PABPC4L: variants seen among roughly 807,000 people sequenced by gnomAD.
The protein encoded by PABPC4L is polyadenylate-binding protein 4-like.
For synonymous variants in PABPC4L, 169 were observed against 164.1 expected (o/e 1.03, Z -0.23); for missense variants, 452 against 451.4 (o/e 1.00, Z -0.01).
the PABPC4L span, among the ~76,000 whole-genome samples, chr4:133,973,738 C>G: frequency 6.6e-6 from 1 of 152,140 alleles, no homozygotes; most frequent in African/African-American, 2.4e-5. Flanking sequence ...AGACTTCACT[C>G]AGTGTTAACA....
the PABPC4L span, among the ~76,000 whole-genome samples, chr4:134,107,673 T>G: frequency 1.3e-5 from 2 of 151,620 alleles, no homozygotes; most frequent in South Asian, 2.1e-4. Flanking sequence ...AACATTTAAT[T>G]AATCAATAAT....
At chr4:134,066,724 G>GT in the PABPC4L span, among the ~76,000 whole-genome samples, 15 of 151,816 alleles carry the variant, frequency 9.9e-5, no homozygotes, top group African/African-American at 2.9e-4. Flanking sequence ...TTCATTGCCT[G>GT]TTTTTTTGAA....
At chr4:134,140,474 T>C in the PABPC4L span, among the ~76,000 whole-genome samples, 4 of 151,872 alleles carry the variant, frequency 2.6e-5, no homozygotes, top group Non-Finnish European at 5.9e-5. Flanking sequence ...TTATATGACA[T>C]GCCTTCATAA....
the PABPC4L span, among the ~76,000 whole-genome samples, chr4:134,065,970 T>C: frequency 3.9e-5 from 6 of 152,154 alleles, no homozygotes; most frequent in Admixed American, 2.6e-4. Flanking sequence ...CATTGGTCTA[T>C]GTGTCTGTTT....
At chr4:134,114,156 A>G in the PABPC4L span, among the ~76,000 whole-genome samples, 3 of 151,676 alleles carry the variant, frequency 2.0e-5, no homozygotes, top group African/African-American at 7.3e-5. Flanking sequence ...AAGAGGGTGG[A>G]TTTTGGAGTT....
the PABPC4L span, among the ~76,000 whole-genome samples, chr4:134,020,375 T>C: frequency 6.6e-6 from 1 of 152,128 alleles, no homozygotes; most frequent in Non-Finnish European, 1.5e-5. Context: ...ATTACTGTAT[T>C]TTGAAACAAT....
At chr4:134,080,982 A>G in the PABPC4L span, among the ~76,000 whole-genome samples, 4 of 152,180 alleles carry the variant, frequency 2.6e-5, no homozygotes, top group African/African-American at 9.6e-5. Flanking sequence ...CACTTATTTT[A>G]TGAGTCAGAC....
At chr4:134,181,369 C>G in the PABPC4L span, among the ~76,000 whole-genome samples, 1 of 151,958 alleles carries the variant, frequency 6.6e-6, no homozygotes, top group South Asian at 2.1e-4. Context: ...AGGGACATAC[C>G]TCAAAACAGT....
At chr4:134,041,432 A>G in the PABPC4L span, among the ~76,000 whole-genome samples, 1 of 152,126 alleles carries the variant, frequency 6.6e-6, no homozygotes, top group Non-Finnish European at 1.5e-5. Flanking sequence ...TTGCAGGGAC[A>G]TGGATGAAGC....
At chr4:134,054,360 C>T in the PABPC4L span, among the ~76,000 whole-genome samples, 1 of 146,690 alleles carries the variant, frequency 6.8e-6, no homozygotes, top group South Asian at 2.1e-4. Context: ...AGTATAAATT[C>T]AGATGAAAAT....
At chr4:134,028,359 A>T in the PABPC4L span, among the ~76,000 whole-genome samples, 2 of 151,696 alleles carry the variant, frequency 1.3e-5, no homozygotes, top group Non-Finnish European at 2.9e-5. Flanking sequence ...TCCTCTCCTC[A>T]TGCTAAGCCT....
chr4:134,004,583 C>T, the PABPC4L span, among the ~76,000 whole-genome samples: 3 of 151,826 alleles, frequency 2.0e-5, no homozygotes, highest in African/African-American at 4.8e-5. Flanking sequence ...AGAAAATTAC[C>T]ATATAATGCA....
chr4:134,155,412 T>TCACACACACACACACACACACA, the PABPC4L span, among the ~76,000 whole-genome samples: 1 of 146,992 alleles, frequency 6.8e-6, no homozygotes, highest in Admixed American at 6.8e-5. Context: ...CTCTCCCAGT[T>TCACACACACACACACACACACA]CACACACACA....
chr4:134,134,750 TA>T, the PABPC4L span, among the ~76,000 whole-genome samples: 1 of 150,432 alleles, frequency 6.6e-6, no homozygotes, highest in African/African-American at 2.4e-5. Context: ...ACATATCAAA[TA>T]AAATATATAA....
At chr4:134,163,694 G>A in the PABPC4L span, among the ~76,000 whole-genome samples, 2 of 152,104 alleles carry the variant, frequency 1.3e-5, no homozygotes, top group Non-Finnish European at 2.9e-5. Flanking sequence ...TTCAAGATAT[G>A]CAAGTCAATA....
downstream of PABPC4L, among the ~76,000 whole-genome samples, chr4:134,195,368 T>C (rs1374251123): frequency 6.6e-6 from 1 of 151,864 alleles, no homozygotes; most frequent in East Asian, 1.9e-4. Context: ...CATGGCTTCC[T>C]GAAATAAGAA....
At chr4:134,107,175 A>G in the PABPC4L span, among the ~76,000 whole-genome samples, 2 of 151,278 alleles carry the variant, frequency 1.3e-5, no homozygotes, top group South Asian at 2.1e-4. Flanking sequence ...CTACAGTTAC[A>G]CAAAATTCAT....
At chr4:134,195,281 A>T (rs906184947), downstream of PABPC4L, among the ~76,000 whole-genome samples, 1 of 151,752 alleles carries the variant, frequency 6.6e-6, no homozygotes, top group Non-Finnish European at 1.5e-5. Flanking sequence ...AGGAATTAAT[A>T]TTGGCTGCCA....
downstream of PABPC4L, among the ~76,000 whole-genome samples, chr4:134,193,771 A>C: frequency 6.6e-6 from 1 of 151,942 alleles, no homozygotes; most frequent in East Asian, 1.9e-4. Flanking sequence ...AGAGAGGTAT[A>C]AAAGAAACAT....
Sources: gnomAD v4.1 joint callset for allele counts (sites outside exome capture counted in the v4.1 genomes callset) on GRCh38, gnomAD v4.1.1 for gene constraint, MANE v1.5 for transcripts, NCBI Gene and HGNC (gene_info 2026-07-23, HGNC 2026-07-21) for gene names.